The following DST variants were observed in gnomAD, a reference collection of about 807,000 sequenced individuals.
DST encodes dystonin, also known as bullous pemphigoid antigen.
In DST, 253 loss-of-function variants were observed where a neutral mutation model predicts 875.2. That is an observed-to-expected ratio of 0.29 (90% CI 0.26 to 0.32). The LOEUF (loss-of-function observed/expected upper bound fraction) is 0.32, where lower values mean the gene tolerates loss of function less well. Among genes scored for constraint, DST ranks in the 10% least tolerant of loss-of-function variants. DST has a pLI of 1.00. For synonymous variants in DST, 3,124 were observed against 3,197.1 expected (o/e 0.98, Z 0.77); for missense variants, 8,287 against 9,111.6 (o/e 0.91, Z 3.68).
chr6:56,780,779 T>G (rs1477310594), intron 4 of DST, among the ~76,000 whole-genome samples: 1 of 151,664 alleles, frequency 6.6e-6, no homozygotes, highest in Admixed American at 6.6e-5. Flanking sequence ...GCTTTTGGTG[T>G]TTTAGACATG....
At position 56,843,485 on chromosome 6, in the gene DST, G is replaced by A. The variant is rs542091792; in HGVS notation, c.625+7912C>T. The A allele has an allele frequency of 1.2e-5, 12 of 991,496 alleles. No homozygotes were observed. The Admixed American group carries it at 5.5e-4, about 45-fold the overall frequency. 61.4% of individuals were successfully genotyped at this position (991,496 alleles called of 1,614,324 possible). On this transcript the variant is annotated intron_variant, in intron 4 of 103. Coordinates refer to ENST00000680361, the MANE Select transcript of DST (RefSeq NM_001374736.1). ...CAAGCGGAGGAGCGGGGCGTGCGGC[G>A]AGGGCGGGCGGGGGCCGGCGGGCGC...
chr6:56,735,825 T>C (rs1248757593), intron 4 of DST, among the ~76,000 whole-genome samples: 3 of 152,164 alleles, frequency 2.0e-5, no homozygotes, highest in East Asian at 1.9e-4. Context: ...ACATTAATTA[T>C]TCTGCTTAAT....
intron 91 of DST, among the ~76,000 whole-genome samples, chr6:56,476,938 C>T (rs112733374): frequency 0.033 from 5,011 of 151,644 alleles, 254 homozygotes; most frequent in African/African-American, 0.12. Flanking sequence ...GGCAATAAAT[C>T]GAGACTCCGT....
At chr6:56,577,248 A>C (rs993107200) in intron 50 of DST, among the ~76,000 whole-genome samples, 2 of 152,206 alleles carry the variant, frequency 1.3e-5, no homozygotes, top group African/African-American at 2.4e-5. Flanking sequence ...AAAAAATGTC[A>C]AAATGCCTCT....
chr6:56,808,637 T>C (rs1395320640), intron 4 of DST, among the ~76,000 whole-genome samples: 1 of 152,226 alleles, frequency 6.6e-6, no homozygotes, highest in Admixed American at 6.5e-5. Flanking sequence ...CTACTTAGAT[T>C]CAGCATAAAA....
chr6:56,822,561 C>A (rs1044993116), intron 4 of DST, among the ~76,000 whole-genome samples: 1 of 152,046 alleles, frequency 6.6e-6, no homozygotes, highest in African/African-American at 2.4e-5. Context: ...GGTGAAGAAC[C>A]ATCAGAAAGG....
At chr6:56,952,367 T>A (rs1166663856) in intron 2 of DST, among the ~76,000 whole-genome samples, 1 of 152,230 alleles carries the variant, frequency 6.6e-6, no homozygotes. Flanking sequence ...ACTGGGTATC[T>A]CTTTTTAAAA....
At chr6:56,857,097 G>A (rs550503346) in intron 3 of DST, among the ~76,000 whole-genome samples, 2 of 151,494 alleles carry the variant, frequency 1.3e-5, no homozygotes, top group African/African-American at 2.4e-5. Flanking sequence ...CTGCAGCCTC[G>A]AACTCCTGGG....
At chr6:56,693,399 G>A (rs2099245169) in intron 9 of DST, 2 of 1,109,660 alleles carry the variant, frequency 1.8e-6, no homozygotes, top group African/African-American at 3.3e-5. Context: ...AATCCTCTTA[G>A]ACAAACATTA....
intron 69 of DST, among the ~76,000 whole-genome samples, chr6:56,526,122 T>C (rs2096792729): frequency 6.6e-6 from 1 of 152,234 alleles, no homozygotes; most frequent in Admixed American, 6.5e-5. Flanking sequence ...GTGTCTGACT[T>C]GGTAAGGATA....
At chr6:56,570,338 A>C (rs2097760800) in intron 53 of DST, among the ~76,000 whole-genome samples, 1 of 152,106 alleles carries the variant, frequency 6.6e-6, no homozygotes, top group Non-Finnish European at 1.5e-5. Flanking sequence ...TAATTATGCA[A>C]CTCGCCATAA....
chr6:56,902,171 G>A (rs185100574), intron 2 of DST, among the ~76,000 whole-genome samples: 110 of 152,302 alleles, frequency 7.2e-4, no homozygotes, highest in African/African-American at 2.4e-3. Context: ...AATAAGAAAC[G>A]TTATTTGATA....
intron 3 of DST, 172 bp from the exon 4 acceptor site, chr6:56,851,776 C>G: frequency 6.4e-7 from 1 of 1,551,654 alleles, no homozygotes; most frequent in Non-Finnish European, 8.7e-7. Flanking sequence ...AAAAATAAAA[C>G]CCGGAGCTCA....
intron 4 of DST, among the ~76,000 whole-genome samples, chr6:56,831,448 C>A (rs1440996812): frequency 6.6e-6 from 1 of 152,164 alleles, no homozygotes; most frequent in Non-Finnish European, 1.5e-5. Context: ...TCTGCACCAT[C>A]CACCCACACA....
intron 2 of DST, among the ~76,000 whole-genome samples, chr6:56,902,903 C>A (rs550666403): frequency 3.3e-5 from 5 of 149,390 alleles, no homozygotes; most frequent in African/African-American, 1.2e-4. Flanking sequence ...TCCCCATCCA[C>A]CCACCCGCCC....
intron 3 of DST, among the ~76,000 whole-genome samples, chr6:56,888,937 T>C (rs1359631527): frequency 6.6e-6 from 1 of 152,168 alleles, no homozygotes. Context: ...TGGGACTTCA[T>C]TTCCTGCTAT....
At position 56,551,915 on chromosome 6, in the gene DST, T is replaced by A. The variant is rs192335450; in HGVS notation, c.16608+269A>T. On this transcript the variant is annotated intron_variant, in intron 61 of 103. Transcript: ENST00000680361. ...TGAATAATTCCAGAAATGGACCCTA[T>A]GATGTCAGTTTCTGGCTTGCCTGGA... Among the ~76,000 whole-genome samples the A allele has an allele frequency of 6.6e-5, 10 of 152,316 alleles. 1 individual carries two copies. Among genetic ancestry groups the A allele is most frequent in the African/African-American group, 2.4e-4 (10 of 41,568 alleles).
At chr6:56,874,975 G>C (rs1778994755) in intron 3 of DST, among the ~76,000 whole-genome samples, 1 of 151,994 alleles carries the variant, frequency 6.6e-6, no homozygotes, top group Admixed American at 6.6e-5. Context: ...CTAAGCCACA[G>C]ATGTTTTTTG....
rs141467044 is a variant in DST, at chr6:56,464,595, T to C, written c.22759+90A>G. The C allele has an allele frequency of 3.9e-5, 37 of 945,636 alleles. 1 individual carries two copies. In the East Asian group the frequency reaches 7.9e-4, roughly 20 times the overall value. 58.6% of individuals were successfully genotyped at this position (945,636 alleles called of 1,614,324 possible). ...TAAGCCATACGCGATGGATGAAGCA[T>C]GTTATTTTAAAACAAATGACTGAAG... is the stretch of plus-strand genomic sequence containing the variant. On this transcript the variant is annotated intron_variant, in intron 100 of 103. Coordinates refer to ENST00000680361, the MANE Select transcript of DST (RefSeq NM_001374736.1).
Sources: allele counts gnomAD v4.1 joint callset (sites outside exome capture counted in the v4.1 genomes callset), GRCh38; gene constraint gnomAD v4.1.1; transcripts MANE v1.5; gene names NCBI Gene and HGNC (gene_info 2026-07-23, HGNC 2026-07-21).